Variants in SPEN observed in about 807,000 individuals in gnomAD.
The protein encoded by SPEN is spen family transcriptional repressor.
SPEN carries 18 observed loss-of-function variants against 269.9 expected under a neutral mutation model. That is an observed-to-expected ratio of 0.07 (90% confidence interval 0.05 to 0.10). The LOEUF (loss-of-function observed/expected upper bound fraction) is 0.10, where lower values mean the gene tolerates loss of function less well. Among genes scored for constraint, SPEN ranks in the 10% least tolerant of loss-of-function variants. The pLI is 1.00. For synonymous variants in SPEN, 1,726 were observed against 1,765.7 expected (o/e 0.98, Z 0.56); for missense variants, 3,822 against 4,631.2 (o/e 0.83, Z 5.07).
chr1:15,906,794 T>TG (rs2070961799), intron 3 of SPEN, among the ~76,000 whole-genome samples: 1 of 130,562 alleles, frequency 7.7e-6, no homozygotes, highest in Non-Finnish European at 1.6e-5. Context: ...TTTTTTTTTT[T>TG]GAGACAGAGT....
At chr1:15,925,100 C>T (rs1407531367) in intron 10 of SPEN, among the ~76,000 whole-genome samples, 1 of 152,182 alleles carries the variant, frequency 6.6e-6, no homozygotes, top group African/African-American at 2.4e-5. Flanking sequence ...TTCCCATTTT[C>T]CAATAGTATT....
chr1:15,877,369 A>G (rs891889138), intron 3 of SPEN, among the ~76,000 whole-genome samples: 2 of 152,122 alleles, frequency 1.3e-5, no homozygotes, highest in Admixed American at 1.3e-4. Context: ...TCTGGGTTCC[A>G]GCAGTCCTCC....
chr1:15,859,905 C>CTTTTTTTTTTTTTTTTTTTTT (rs34195453), intron 1 of SPEN, among the ~76,000 whole-genome samples: 1 of 79,620 alleles, frequency 1.3e-5, no homozygotes, highest in Non-Finnish European at 2.1e-5. Context: ...CAGTTAACAT[C>CTTTTTTTTTTTTTTTTTTTTT]TTTTTTTTTT....
Position 15,876,605 on chromosome 1 carries a change from A to G in SPEN, c.808A>G (p.Ser270Gly), listed in dbSNP as rs552174274. Residue 270 changes from serine (S) to glycine (G), a missense_variant, in exon 3 of 15, where the codon AGC (serine) becomes GGC (glycine). Ser to Gly is a moderately conservative substitution (Grantham distance 56). Around this residue, in one of 16 missense-constraint regions of SPEN, gnomAD observed 327 missense variants for 350.8 expected, o/e 0.93. Transcript: ENST00000375759. ...SQASRPTRSP[S>G]GSGSRSRSSS... is the part of the protein sequence containing the mutation. ...AGCATCTAGACCCACAAGGTCCCCT[A>G]GCGGCAGCGGCTCTAGAAGTAGATC... The G allele has an allele frequency of 1.2e-6, 2 of 1,614,034 alleles. No individual in the cohort carries two copies. Among genetic ancestry groups the G allele is most frequent in the African/African-American group, 1.3e-5 (1 of 75,052 alleles).
rs1432011788 is a variant in SPEN at position 15,929,316 on chromosome 1, G to C, written c.3076G>C (p.Glu1026Gln). The change falls in exon 11 of 15, where the codon GAG becomes CAG. Residue 1026 changes from glutamate to glutamine, a missense_variant. Transcript: ENST00000375759. The surrounding 1 kb of genome is among the most constrained non-coding windows in gnomAD (Gnocchi z 5.8). Reference sequence around the variant, plus strand: ...AAAGCAGCCTGACGTGTCCTCTAGAGAGGTCATTCTGCTGAGGGAAGGAGA... The same window carrying C: ...AAAGCAGCCTGACGTGTCCTCTAGACAGGTCATTCTGCTGAGGGAAGGAGA... ...SKKQPDVSSR[E>Q]VILLREGEAE... The C allele has an allele frequency of 1.2e-6, 2 of 1,614,158 alleles. No individual in the cohort carries two copies. Among genetic ancestry groups the C allele is most frequent in the Admixed American group, 1.7e-5 (1 of 60,028 alleles).
In SPEN at chr1:15,872,796, G is replaced by T. The variant is rs550034711; in HGVS notation, c.84-20G>T. 15 of 1,473,802 alleles carry T rather than the reference G, an allele frequency of 1.0e-5. No homozygotes were observed. In the African/African-American group the frequency reaches 1.7e-4, roughly 17 times the overall value. The allele number at this position is 1,473,802 out of a possible 1,614,324, so 91.3% of individuals were successfully genotyped here. A position where few individuals can be genotyped will look rare whatever the true frequency, so the allele number is the denominator to read the frequency against. Reference sequence around the variant, plus strand: ...AAAATTATTGATATGCAGCAATAACGTTGACTTTATTTTTTCCAGATATGG... The same window carrying T: ...AAAATTATTGATATGCAGCAATAACTTTGACTTTATTTTTTCCAGATATGG... On this transcript the variant is annotated intron_variant, in intron 1 of 14. Transcript: ENST00000375759.
Position 15,909,415 on chromosome 1 carries a change from C to T in SPEN, c.976C>T (p.Leu326=). 1 of 1,614,202 alleles carries T rather than the reference C, an allele frequency of 6.2e-7. No individual in the cohort carries two copies. ...PAPTSQLLSS[L]EKDEPRKSFG... is the part of the protein sequence containing the mutation. The stretch of plus-strand genomic sequence containing the variant: ...ACCCACTTCCCAGTTGCTTTCATCT[C>T]TGGAAAAAGATGAGCCCCGTAAAAG... The change falls in exon 4 of 15, where the codon CTG becomes TTG. Residue 326 remains leucine (L), a synonymous_variant. Transcript: ENST00000375759.
Position 15,929,653 on chromosome 1 carries a change from A to G in SPEN, c.3413A>G (p.Asp1138Gly). ...DVRKNYCSLR[D>G]ETPERKSGQE... is the part of the protein sequence containing the mutation. ...AGGAAAAACTATTGCAGTCTTCGTG[A>G]TGAAACACCTGAACGTAAATCAGGC... The change falls in exon 11 of 15, where the codon GAT (aspartate) becomes GGT (glycine). Residue 1138 changes from aspartate to glycine, a missense_variant. Around this residue, in one of 16 missense-constraint regions of SPEN, gnomAD observed 572 missense variants for 582.6 expected, o/e 0.98. Coordinates refer to ENST00000375759, the MANE Select transcript of SPEN (RefSeq NM_015001.3). This position sits in a 1 kb window ranked among gnomAD's most constrained non-coding sequence, Gnocchi z 5.8. 6.2e-7 allele frequency: 1 copy of G among 1,614,214 alleles called. No individual in the cohort carries two copies. The highest frequency in any genetic ancestry group is 8.5e-7 in the Non-Finnish European group (1 of 1,180,036).
intron 10 of SPEN, among the ~76,000 whole-genome samples, chr1:15,926,384 T>TACACACACAC (rs34826146): frequency 6.9e-6 from 1 of 145,768 alleles, no homozygotes; most frequent in Non-Finnish European, 1.5e-5. Context: ...GATATATACA[T>TACACACACAC]ACACACACAC....
At chr1:15,886,160 C>T (rs1413492379) in intron 3 of SPEN, among the ~76,000 whole-genome samples, 1 of 152,094 alleles carries the variant, frequency 6.6e-6, no homozygotes, top group Admixed American at 6.5e-5. Context: ...TTGTCAGCTG[C>T]AGGGTCTTGT....
At chr1:15,878,899 AC>A (rs1299789769) in intron 3 of SPEN, among the ~76,000 whole-genome samples, 1 of 149,386 alleles carries the variant, frequency 6.7e-6, no homozygotes, top group Non-Finnish European at 1.5e-5. Context: ...AATCGCAGTT[AC>A]TCAGGAGGCT....
At position 15,933,799 on chromosome 1, in the gene SPEN, C is replaced by T; in HGVS notation, c.7559C>T (p.Pro2520Leu). The T allele has an allele frequency of 6.2e-7, 1 of 1,613,516 alleles. No homozygotes were observed. Among genetic ancestry groups the T allele is most frequent in the South Asian group, 1.1e-5 (1 of 91,088 alleles). Residue 2520 changes from proline (P) to leucine (L), a missense_variant, in exon 11 of 15, where the codon CCA (proline) becomes CTA (leucine). Transcript: ENST00000375759. This position sits in a 1 kb window ranked among gnomAD's most constrained non-coding sequence, Gnocchi z 5.7. ...AQSTPSPALP[P>L]DTKASDVDTS... ...TCTACTCCATCTCCAGCTCTTCCCC[C>T]AGACACAAAGGCCTCTGATGTTGAC...
chr1:15,925,848 T>C (rs2071161005), intron 10 of SPEN, among the ~76,000 whole-genome samples: 1 of 152,234 alleles, frequency 6.6e-6, no homozygotes, highest in Admixed American at 6.5e-5. Context: ...ACTCACTTTA[T>C]AATATTAGAA....
At chr1:15,891,568 T>C (rs2070789414) in intron 3 of SPEN, among the ~76,000 whole-genome samples, 2 of 152,086 alleles carry the variant, frequency 1.3e-5, no homozygotes, top group Non-Finnish European at 2.9e-5. Flanking sequence ...GCCAGGATGG[T>C]CTTGATCTCC....
chr1:15,897,331 G>A, intron 3 of SPEN, among the ~76,000 whole-genome samples: 1 of 151,964 alleles, frequency 6.6e-6, no homozygotes, highest in Non-Finnish European at 1.5e-5. Flanking sequence ...TGGGACTACA[G>A]GCGTACGCCA....
At chr1:15,884,154 A>G (rs1396428521) in intron 3 of SPEN, among the ~76,000 whole-genome samples, 1 of 152,148 alleles carries the variant, frequency 6.6e-6, no homozygotes, top group Non-Finnish European at 1.5e-5. Context: ...TGAATTCTGG[A>G]TTTTAACAAC....
chr1:15,919,039 T>C lies in SPEN; in HGVS notation c.1509T>C (p.Asn503=). The C allele has an allele frequency of 6.2e-7, 1 of 1,611,906 alleles. No homozygotes were observed. The highest frequency in any genetic ancestry group is 8.5e-7 in the Non-Finnish European group (1 of 1,179,324). ...AGATGGATGGGGAATATCTTGGAAA[T>C]AATCGCCTCAAGGTAAATGAATTTG... The part of the protein sequence containing the change: ...IKKMDGEYLG[N]NRLKLGFGKS... The change falls in exon 7 of 15, where the codon AAT becomes AAC. Residue 503 remains asparagine, a synonymous_variant. Coordinates refer to ENST00000375759, the MANE Select transcript of SPEN (RefSeq NM_015001.3).
chr1:15,936,535 G>A (rs547641380), intron 11 of SPEN, among the ~76,000 whole-genome samples: 2 of 152,126 alleles, frequency 1.3e-5, no homozygotes, highest in South Asian at 4.2e-4. Context: ...TGTGGTTTCA[G>A]CTACCTGGGA....
intron 3 of SPEN, among the ~76,000 whole-genome samples, chr1:15,903,288 A>G (rs2070920834): frequency 6.6e-6 from 1 of 152,210 alleles, no homozygotes; most frequent in African/African-American, 2.4e-5. Flanking sequence ...ATATTTCTTC[A>G]TAAGGAAATA....
Sources: allele counts gnomAD v4.1 joint callset (sites outside exome capture counted in the v4.1 genomes callset), GRCh38; gene constraint gnomAD v4.1.1; regional missense constraint gnomAD v4.1.1; non-coding constraint Gnocchi (gnomAD v3.1); transcripts MANE v1.5; gene names NCBI Gene and HGNC (gene_info 2026-07-23, HGNC 2026-07-21).